C3orf70: variants seen among roughly 807,000 people sequenced by gnomAD.
The protein encoded by C3orf70 is chromosome 3 open reading frame 70.
A neutral mutation model predicts 20.7 loss-of-function variants in C3orf70; 15 were observed. The observed-to-expected ratio is 0.72, with a 90% CI of 0.48 to 1.11. C3orf70 has a LOEUF of 1.11. Ranked by LOEUF, C3orf70 falls within the 50% of genes most tolerant of loss-of-function variation. The pLI, the probability that C3orf70 is intolerant of heterozygous loss-of-function variation, is 0.00. For synonymous variants in C3orf70, 161 were observed against 125.7 expected, an observed-to-expected ratio of 1.28 and a Z score of -1.88; for missense variants, 332 against 317.6, an observed-to-expected ratio of 1.05 and a Z score of -0.34.
chr3:185,084,093 G>A (rs141066175), intron 1 of C3orf70, among the ~76,000 whole-genome samples: 174 of 152,046 alleles, frequency 1.1e-3, no homozygotes, highest in African/African-American at 4.0e-3. Context: ...GCTGAGGCAC[G>A]AGAATCCCTT....
intron 1 of C3orf70, among the ~76,000 whole-genome samples, chr3:185,127,735 C>G (rs1716442678): frequency 6.6e-6 from 1 of 152,044 alleles, no homozygotes; most frequent in Non-Finnish European, 1.5e-5. Context: ...CCACCATGAC[C>G]GGCCACTATT....
At chr3:185,145,707 G>C (rs745425726) in intron 1 of C3orf70, among the ~76,000 whole-genome samples, 1 of 152,146 alleles carries the variant, frequency 6.6e-6, no homozygotes, top group Non-Finnish European at 1.5e-5. Context: ...GGCAGCTAGG[G>C]GTACTACGCG....
At position 185,082,358 on chromosome 3, in the gene C3orf70, G is replaced by A. The variant is rs1485007781; in HGVS notation, c.*649C>T. On this transcript the variant is annotated 3_prime_UTR_variant, in exon 2 of 2. Coordinates refer to ENST00000335012, the MANE Select transcript of C3orf70 (RefSeq NM_001025266.3). ...CTGGATTGAGCATGAGACAGATGAG[G>A]TCATCTCTTCTCATGTGAATGTTTA... 1 of 152,642 alleles carries A rather than the reference G, an allele frequency of 6.6e-6. No homozygotes were observed. The highest frequency in any genetic ancestry group is 2.4e-5 in the African/African-American group (1 of 41,452). The allele number at this position is 152,642 out of a possible 1,614,324, so 9.5% of individuals were successfully genotyped here. A position where few individuals can be genotyped will look rare whatever the true frequency, so the allele number is the denominator to read the frequency against.
chr3:185,093,847 T>C (rs905401193), intron 1 of C3orf70, among the ~76,000 whole-genome samples: 6 of 152,046 alleles, frequency 3.9e-5, no homozygotes, highest in African/African-American at 1.4e-4. Flanking sequence ...TCCTATGACC[T>C]GAGACCAGTC....
Position 185,152,948 on chromosome 3 carries a change from C to CGGT in C3orf70, c.-126_-125insACC. On this transcript the variant is annotated 5_prime_UTR_variant, in exon 1 of 2. Coordinates refer to ENST00000335012, the MANE Select transcript of C3orf70 (RefSeq NM_001025266.3). ...ACGGGCCGGGAGTCACGCCAGCACGCGGCGGCGGCGGGAGCGCGGCGGTCC... is the reference window on the plus strand; with the variant it reads ...ACGGGCCGGGAGTCACGCCAGCACGCGGTGGCGGCGGCGGGAGCGCGGCGGTCC... 1 of 800,790 alleles carries CGGT rather than the reference C, an allele frequency of 1.2e-6. No individual in the cohort carries two copies. Among genetic ancestry groups the CGGT allele is most frequent in the Non-Finnish European group, 1.7e-6 (1 of 599,096 alleles). 49.6% of individuals were successfully genotyped at this position (800,790 alleles called of 1,614,324 possible). A position where few individuals can be genotyped will look rare whatever the true frequency, so the allele number is the denominator to read the frequency against.
chr3:185,093,086 G>T (rs894009330), intron 1 of C3orf70, among the ~76,000 whole-genome samples: 2 of 151,786 alleles, frequency 1.3e-5, no homozygotes, highest in African/African-American at 4.8e-5. Context: ...GTTTCCCAAA[G>T]CACTAAACTG....
intron 1 of C3orf70, among the ~76,000 whole-genome samples, chr3:185,139,629 CA>C (rs1716710579): frequency 6.6e-6 from 1 of 151,628 alleles, no homozygotes; most frequent in African/African-American, 2.4e-5. Context: ...ATGGTACTGG[CA>C]GAAGAAGAGA....
chr3:185,112,707 A>C (rs1245386858), intron 1 of C3orf70, among the ~76,000 whole-genome samples: 1 of 152,200 alleles, frequency 6.6e-6, no homozygotes, highest in Non-Finnish European at 1.5e-5. Context: ...TTAAAAGATA[A>C]AACTATCAAT....
intron 1 of C3orf70, among the ~76,000 whole-genome samples, chr3:185,130,824 C>T (rs1273410515): frequency 6.6e-6 from 1 of 152,190 alleles, no homozygotes; most frequent in East Asian, 1.9e-4. Context: ...AATAATAGTC[C>T]ATCTGTGTAT....
At chr3:185,121,818 G>A (rs1716303725) in intron 1 of C3orf70, among the ~76,000 whole-genome samples, 1 of 152,176 alleles carries the variant, frequency 6.6e-6, no homozygotes, top group Admixed American at 6.5e-5. Flanking sequence ...GCAAGAGCAT[G>A]GCCGGGCATG....
In C3orf70 at chr3:185,139,566, A is replaced by T. The variant is rs1305270554; in HGVS notation, c.196+13062T>A. ...AGACTGTCTCAAAAAAAAAAAAAAA[A>T]TTCAGTCTACCCAACTAAAGACTTC... On this transcript the variant is annotated intron_variant, in intron 1 of 1. Coordinates refer to ENST00000335012, the MANE Select transcript of C3orf70 (RefSeq NM_001025266.3). Among the ~76,000 whole-genome samples the T allele has an allele frequency of 2.6e-5, 4 of 151,154 alleles. No individual in the cohort carries two copies. In the East Asian group the frequency reaches 7.7e-4, roughly 29 times the overall value.
intron 1 of C3orf70, among the ~76,000 whole-genome samples, chr3:185,110,547 G>GCCCC (rs543519113): frequency 0.01 from 1,519 of 150,914 alleles, 29 homozygotes; most frequent in African/African-American, 0.035. Context: ...TTAGGAGCAG[G>GCCCC]CCCCCCCTCA....
intron 1 of C3orf70, among the ~76,000 whole-genome samples, chr3:185,085,483 A>G (rs1715440548): frequency 6.6e-6 from 1 of 152,172 alleles, no homozygotes; most frequent in South Asian, 2.1e-4. Context: ...CTGGGGTACC[A>G]TATGAAAAAA....
chr3:185,117,450 C>G (rs2063298), intron 1 of C3orf70, among the ~76,000 whole-genome samples: 694 of 67,392 alleles, frequency 0.01, 8 homozygotes, highest in African/African-American at 0.043. Flanking sequence ...CACACACACA[C>G]AGAAAGAGAG....
At chr3:185,124,474 C>T (rs1716368553) in intron 1 of C3orf70, among the ~76,000 whole-genome samples, 1 of 152,146 alleles carries the variant, frequency 6.6e-6, no homozygotes. Context: ...GACAATGTGG[C>T]ACTGGTGAAA....
chr3:185,117,418 TACACACACACACACACACACAC>T (rs141665642), intron 1 of C3orf70, among the ~76,000 whole-genome samples: 1 of 135,112 alleles, frequency 7.4e-6, no homozygotes, highest in Non-Finnish European at 1.7e-5. Context: ...ACCACACACA[TACACACACACACACACACACAC>T]ACACACACAC....
intron 1 of C3orf70, among the ~76,000 whole-genome samples, chr3:185,091,963 ATTTTTTTTT>A (rs146504613): frequency 5.1e-4 from 8 of 15,760 alleles, no homozygotes; most frequent in African/African-American, 2.0e-3. Context: ...ATATATATAT[ATTTTTTTTT>A]TTTTTTAGTA....
At chr3:185,108,698 T>C (rs1458669124) in intron 1 of C3orf70, among the ~76,000 whole-genome samples, 1 of 152,256 alleles carries the variant, frequency 6.6e-6, no homozygotes, top group African/African-American at 2.4e-5. Flanking sequence ...CTAAAGCTAT[T>C]ATCCAGTGAT....
rs568056464 is a variant in C3orf70, at chr3:185,079,935, C to G, written c.*3072G>C. 6.6e-6 allele frequency: 1 copy of G among 152,640 alleles called. No individual in the cohort carries two copies. The highest frequency in any genetic ancestry group is 1.5e-5 in the Non-Finnish European group (1 of 68,044). The allele number at this position is 152,640 out of a possible 1,614,324, so 9.5% of individuals were successfully genotyped here. On this transcript the variant is annotated 3_prime_UTR_variant, in exon 2 of 2. Transcript: ENST00000335012. ...ATTTTCTAAAGTGTCTGTAAGTACA[C>G]AAATTAGCAACATAGTATCAGCGTT...
Sources: gnomAD v4.1 joint callset for allele counts (sites outside exome capture counted in the v4.1 genomes callset) on GRCh38, gnomAD v4.1.1 for gene constraint, MANE v1.5 for transcripts, NCBI Gene and HGNC (gene_info 2026-07-23, HGNC 2026-07-21) for gene names.